OSBPL6: variants seen among roughly 807,000 people sequenced by gnomAD.
The protein encoded by OSBPL6 is oxysterol binding protein like 6.
OSBPL6 carries 49 observed loss-of-function variants against 125.8 expected under a neutral mutation model. The ratio of observed to expected loss-of-function variants is 0.39; its 90% confidence interval spans 0.31 to 0.49. The LOEUF is 0.49. OSBPL6 is among the 20% of genes least tolerant of loss of function. The pLI is 0.88. For missense variants in OSBPL6, 986 were observed against 1,135.4 expected (o/e 0.87, Z 1.89); for synonymous variants, 394 against 391.8 (o/e 1.01, Z -0.07).
At chr2:178,332,776 T>G (rs777871158) in intron 7 of OSBPL6, 22 bp downstream of exon 7, 2 of 1,612,184 alleles carry the variant, frequency 1.2e-6, no homozygotes, top group East Asian at 4.5e-5. Flanking sequence ...TTTCAACAGT[T>G]TCTCTGCCAT....
chr2:178,373,891 C>T lies in OSBPL6; in HGVS notation c.1397C>T (p.Ala466Val). 2 of 1,613,978 alleles carry T rather than the reference C, an allele frequency of 1.2e-6. No homozygotes were observed. Among genetic ancestry groups the T allele is most frequent in the African/African-American group, 1.3e-5 (1 of 75,042 alleles). ...ACTGTATGCTTCTGTCTTCTGCAGG[C>T]TGGTGAGCAAATCCATGTCAGTCTC... ...SVNIIPSPDEAGEQIHVSLPL... is the reference protein window; with the variant it reads ...SVNIIPSPDEVGEQIHVSLPL... Residue 466 changes from alanine (A) to valine (V), a missense_variant and splice_region_variant, in exon 15 of 25, where the codon GCT (alanine) becomes GTT (valine). Physicochemically the swap from Ala to Val is moderately conservative, Grantham distance 64 (BLOSUM62 0). Transcript: ENST00000190611.
At chr2:178,297,460 A>C (rs1685860711) in intron 2 of OSBPL6, among the ~76,000 whole-genome samples, 1 of 152,166 alleles carries the variant, frequency 6.6e-6, no homozygotes, top group African/African-American at 2.4e-5. Context: ...AAAAGAACTA[A>C]TATTAGGGTG....
intron 1 of OSBPL6, among the ~76,000 whole-genome samples, chr2:178,197,311 G>A (rs187047755): frequency 2.9e-4 from 44 of 152,298 alleles, no homozygotes; most frequent in African/African-American, 1.0e-3. Context: ...GAAAGCAAGA[G>A]AATGATGAAC....
intron 2 of OSBPL6, among the ~76,000 whole-genome samples, chr2:178,299,507 T>A (rs1413850063): frequency 2.7e-5 from 4 of 147,730 alleles, no homozygotes; most frequent in Non-Finnish European, 6.0e-5. Flanking sequence ...ATGAACTTAC[T>A]TTTTTTCTTT....
At chr2:178,264,084 A>G (rs1045631141) in intron 1 of OSBPL6, among the ~76,000 whole-genome samples, 1 of 152,004 alleles carries the variant, frequency 6.6e-6, no homozygotes, top group Non-Finnish European at 1.5e-5. Flanking sequence ...CACTACCCTA[A>G]CTTCCTTGGT....
In OSBPL6 at chr2:178,386,992, G is replaced by A. The variant is rs1006498390; in HGVS notation, c.2078-69G>A. On this transcript the variant is annotated intron_variant, in intron 19 of 24. Coordinates refer to ENST00000190611, the MANE Select transcript of OSBPL6 (RefSeq NM_032523.4). ...GTGTTTCATAAAGTGTAATACAAAA[G>A]TTAGTTTTTATAGAAGAGGTGATTA... is the stretch of plus-strand genomic sequence containing the variant. 8.8e-6 allele frequency: 9 copies of A among 1,023,842 alleles called. No homozygotes were observed. The African/African-American group carries it at 1.5e-4, about 17-fold the overall frequency. 63.4% of individuals were successfully genotyped at this position (1,023,842 alleles called of 1,614,324 possible).
intron 15 of OSBPL6, among the ~76,000 whole-genome samples, chr2:178,376,102 C>T (rs1345863810): frequency 1.3e-5 from 2 of 152,046 alleles, no homozygotes; most frequent in Non-Finnish European, 2.9e-5. Context: ...CAGGCATTTG[C>T]ATATTTAAGT....
intron 3 of OSBPL6, among the ~76,000 whole-genome samples, chr2:178,313,636 T>A (rs568279561): frequency 2.3e-4 from 35 of 152,284 alleles, no homozygotes; most frequent in African/African-American, 8.4e-4. Flanking sequence ...AGGCTAGAAG[T>A]TCATCTTCTT....
chr2:178,223,326 A>G (rs566574685), intron 1 of OSBPL6, among the ~76,000 whole-genome samples: 1 of 151,740 alleles, frequency 6.6e-6, no homozygotes, highest in African/African-American at 2.4e-5. Flanking sequence ...TGTTTTTCCC[A>G]TTTTTCTTTA....
In OSBPL6 at chr2:178,337,978, A is replaced by G. The variant is rs977504290; in HGVS notation, c.791-1013A>G. Among the ~76,000 whole-genome samples, 8 of 129,306 alleles carry G rather than the reference A, an allele frequency of 6.2e-5. No individual in the cohort carries two copies. In the East Asian group the frequency reaches 6.6e-4, roughly 11 times the overall value. The allele number at this position is 129,306 out of a possible 152,430, so 84.8% of individuals were successfully genotyped here. The stretch of plus-strand genomic sequence containing the variant: ...TTTTTTTGAGACGGAGTCTTGCTCT[A>G]TTGCATAGGCTGGAGTGCAATGGTG... On this transcript the variant is annotated intron_variant, in intron 9 of 24. Coordinates refer to ENST00000190611, the MANE Select transcript of OSBPL6 (RefSeq NM_032523.4).
At chr2:178,351,576 T>C (rs1691260577) in intron 12 of OSBPL6, among the ~76,000 whole-genome samples, 1 of 152,020 alleles carries the variant, frequency 6.6e-6, no homozygotes, top group South Asian at 2.1e-4. Context: ...TGAAAGAAAT[T>C]AAAGAGGACA....
chr2:178,392,664 T>G, intron 23 of OSBPL6, 126 bp downstream of exon 23: 1 of 1,246,738 alleles, frequency 8.0e-7, no homozygotes, highest in Non-Finnish European at 1.1e-6. Context: ...AAGACCAGCC[T>G]GGACAATATA....
At chr2:178,305,442 G>A (rs1686674698) in intron 2 of OSBPL6, among the ~76,000 whole-genome samples, 2 of 152,312 alleles carry the variant, frequency 1.3e-5, no homozygotes, top group African/African-American at 4.8e-5. Flanking sequence ...AAGATAACCT[G>A]TCAATCTGTA....
At chr2:178,280,253 A>G (rs333992) in intron 1 of OSBPL6, among the ~76,000 whole-genome samples, 52,899 of 151,988 alleles carry the variant, frequency 0.35, 9,380 homozygotes, top group African/African-American at 0.37. Context: ...CACTTAGTGA[A>G]CTCTGGCTTT....
rs76116216 is a variant in OSBPL6, at chr2:178,318,336, C to G, written c.103-5841C>G. On this transcript the variant is annotated intron_variant, in intron 3 of 24. Transcript: ENST00000190611. ...CTTTGCTTTTCTCCCTTCAGAATTT[C>G]CCAGGTGTGCTGTGTAGACTTTTTT... 8.4e-3 allele frequency among the ~76,000 whole-genome samples: 1,281 copies of G among 152,248 alleles called. 22 individuals carry two copies. The highest frequency in any genetic ancestry group is 0.029 in the African/African-American group (1,220 of 41,546).
At chr2:178,261,791 G>A (rs2092073356) in intron 1 of OSBPL6, among the ~76,000 whole-genome samples, 1 of 152,048 alleles carries the variant, frequency 6.6e-6, no homozygotes, top group Non-Finnish European at 1.5e-5. Flanking sequence ...TTTCAACTTT[G>A]GTTGACCTTT....
At chr2:178,395,393 C>A in intron 24 of OSBPL6, 58 bp from the exon 25 acceptor site, 1 of 1,233,492 alleles carries the variant, frequency 8.1e-7, no homozygotes, top group South Asian at 1.2e-5. Context: ...GGAGAGGGTC[C>A]TATTTAAGGT....
chr2:178,285,565 A>G (rs1684620759), intron 2 of OSBPL6, among the ~76,000 whole-genome samples: 1 of 152,200 alleles, frequency 6.6e-6, no homozygotes, highest in Non-Finnish European at 1.5e-5. Context: ...GAGACAGTCA[A>G]CTTTTCTTTT....
intron 3 of OSBPL6, 63 bp downstream of exon 3, chr2:178,306,349 A>G: frequency 1.0e-6 from 1 of 984,158 alleles, no homozygotes; most frequent in Middle Eastern, 2.1e-4. Context: ...CTGAGATAGG[A>G]TGGGGTTGCT....
Sources: allele counts gnomAD v4.1 joint callset (sites outside exome capture counted in the v4.1 genomes callset), GRCh38; gene constraint gnomAD v4.1.1; transcripts MANE v1.5; gene names NCBI Gene and HGNC (gene_info 2026-07-23, HGNC 2026-07-21).